PWP1: variants seen among roughly 807,000 people sequenced by gnomAD.
PWP1 encodes periodic tryptophan protein 1 homolog.
PWP1 carries 47 observed loss-of-function variants against 69.9 expected under a neutral mutation model. The ratio of observed to expected loss-of-function variants is 0.67; its 90% CI spans 0.53 to 0.86. The LOEUF is 0.86. PWP1 is among the 40% of genes least tolerant of loss of function. The pLI is 0.00. For missense variants in PWP1, 551 were observed against 608.8 expected, an observed-to-expected ratio of 0.91 and a Z score of 1.00; for synonymous variants, 222 against 208.2, an observed-to-expected ratio of 1.07 and a Z score of -0.57.
chr12:107,700,473 C>G (rs1889686028), intron 8 of PWP1, among the ~76,000 whole-genome samples: 1 of 152,120 alleles, frequency 6.6e-6, no homozygotes, highest in African/African-American at 2.4e-5. Flanking sequence ...GACTTAATGT[C>G]TTCAGGTTCA....
intron 8 of PWP1, among the ~76,000 whole-genome samples, chr12:107,702,695 A>G (rs1032714278): frequency 6.6e-6 from 1 of 152,216 alleles, no homozygotes; most frequent in Middle Eastern, 3.2e-3. Context: ...TAATATTTCC[A>G]TATTAACACT....
At chr12:107,700,673 T>C (rs1006135421) in intron 8 of PWP1, among the ~76,000 whole-genome samples, 1 of 152,212 alleles carries the variant, frequency 6.6e-6, no homozygotes, top group Admixed American at 6.5e-5. Context: ...TCAGTTGTTT[T>C]GAGTATGTAC....
At chr12:107,689,512 G>A (rs766162069) in intron 3 of PWP1, among the ~76,000 whole-genome samples, 3 of 152,162 alleles carry the variant, frequency 2.0e-5, no homozygotes, top group Non-Finnish European at 2.9e-5. Flanking sequence ...TTGGGAGGCC[G>A]AGGCAGGTGG....
chr12:107,692,787 AT>A, intron 3 of PWP1, 26 bp from the exon 4 acceptor site: 1 of 1,554,578 alleles, frequency 6.4e-7, no homozygotes, highest in South Asian at 1.1e-5. Context: ...CTATTTTATT[AT>A]TGTAGTTTGT....
chr12:107,686,962 TC>T (rs1342346555), intron 1 of PWP1, among the ~76,000 whole-genome samples: 2 of 108,004 alleles, frequency 1.9e-5, no homozygotes, highest in African/African-American at 3.8e-5. Context: ...AGAGTGAGAC[TC>T]CGTCTCAAAA....
rs374377403 is a variant in PWP1, at chr12:107,686,762, C to T, written c.72+791C>T. Among the ~76,000 whole-genome samples the T allele has an allele frequency of 1.8e-3, 275 of 152,120 alleles. 2 individuals carry two copies. Among genetic ancestry groups the T allele is most frequent in the Non-Finnish European group, 1.5e-3 (105 of 67,980 alleles). On this transcript the variant is annotated intron_variant, in intron 1 of 14. Transcript: ENST00000412830. ...CGGGCGGATCACGAGGTCAGGAGAT[C>T]GAGAGCATCCTGGCTAACACGGTGA...
chr12:107,700,120 C>G (rs370334930), intron 8 of PWP1, among the ~76,000 whole-genome samples: 1 of 152,194 alleles, frequency 6.6e-6, no homozygotes, highest in African/African-American at 2.4e-5. Context: ...ATTCCATTAC[C>G]TTCCACCTGG....
At chr12:107,702,417 A>T (rs1889732315) in intron 8 of PWP1, among the ~76,000 whole-genome samples, 1 of 152,004 alleles carries the variant, frequency 6.6e-6, no homozygotes, top group Non-Finnish European at 1.5e-5. Context: ...AGTAACTGGG[A>T]TTACAGGCAT....
At chr12:107,705,414 A>C (rs1265101034) in intron 11 of PWP1, among the ~76,000 whole-genome samples, 4 of 151,522 alleles carry the variant, frequency 2.6e-5, no homozygotes. Flanking sequence ...ATACATGTGC[A>C]CAACGTCCAG....
intron 8 of PWP1, among the ~76,000 whole-genome samples, chr12:107,700,718 T>C (rs781565223): frequency 1.3e-5 from 2 of 152,202 alleles, no homozygotes; most frequent in Non-Finnish European, 2.9e-5. Flanking sequence ...ATGGTAATTC[T>C]ATTTTTAATT....
chr12:107,706,496 T>G (rs1889826504), intron 11 of PWP1, among the ~76,000 whole-genome samples: 1 of 152,238 alleles, frequency 6.6e-6, no homozygotes, highest in Non-Finnish European at 1.5e-5. Flanking sequence ...TGGTATTGCC[T>G]AGGTTTTCTT....
chr12:107,705,123 T>G (rs116646266), intron 11 of PWP1, among the ~76,000 whole-genome samples: 1 of 152,130 alleles, frequency 6.6e-6, no homozygotes, highest in Non-Finnish European at 1.5e-5. Flanking sequence ...GGATCTCTAG[T>G]GATGAGAATG....
intron 14 of PWP1, 42 bp downstream of exon 14, chr12:107,710,552 TAA>T (rs35371581): frequency 0.055 from 61,796 of 1,117,252 alleles, 2 homozygotes; most frequent in East Asian, 0.16. Flanking sequence ...CCTGCCCCTG[TAA>T]AAAAAAAAAA....
At chr12:107,703,548 T>G in intron 9 of PWP1, 137 bp from the exon 10 acceptor site, 1 of 744,296 alleles carries the variant, frequency 1.3e-6, no homozygotes, top group Admixed American at 2.2e-5. Context: ...TGCAGTACAT[T>G]TATGTTTCTT....
At chr12:107,686,243 C>A in intron 1 of PWP1, 1 of 536,430 alleles carries the variant, frequency 1.9e-6, no homozygotes, top group Admixed American at 3.1e-5. Context: ...ACTTAGCGGG[C>A]CGGAAAGGGG....
At chr12:107,692,108 A>AT (rs1340036713) in intron 3 of PWP1, among the ~76,000 whole-genome samples, 3 of 152,202 alleles carry the variant, frequency 2.0e-5, no homozygotes, top group Non-Finnish European at 4.4e-5. Flanking sequence ...GGCATTCAGA[A>AT]TCAGCTCTTT....
At chr12:107,710,319 A>ATAGAT in intron 13 of PWP1, 86 bp from the exon 14 acceptor site, 1 of 1,541,684 alleles carries the variant, frequency 6.5e-7, no homozygotes, top group African/African-American at 1.4e-5. Flanking sequence ...CATTTAAATC[A>ATAGAT]TAGATTCTTA....
chr12:107,701,516 CAG>C (rs1400893220), intron 8 of PWP1, among the ~76,000 whole-genome samples: 1 of 152,210 alleles, frequency 6.6e-6, no homozygotes, highest in Admixed American at 6.5e-5. Flanking sequence ...TCGCTTAAGT[CAG>C]GGTCATGAAG....
intron 7 of PWP1, among the ~76,000 whole-genome samples, chr12:107,698,854 A>C (rs897854604): frequency 6.6e-6 from 1 of 152,214 alleles, no homozygotes; most frequent in Non-Finnish European, 1.5e-5. Flanking sequence ...TAGCTTCCCA[A>C]GGTCCTGGGA....
Sources: allele counts gnomAD v4.1 joint callset (sites outside exome capture counted in the v4.1 genomes callset), GRCh38; gene constraint gnomAD v4.1.1; transcripts MANE v1.5; gene names NCBI Gene and HGNC (gene_info 2026-07-23, HGNC 2026-07-21).